DOCK11: variants seen among roughly 807,000 people sequenced by gnomAD.
The protein encoded by DOCK11 is dedicator of cytokinesis 11.
In DOCK11, 70 loss-of-function variants were observed where a neutral mutation model predicts 169.1. That is an observed-to-expected ratio of 0.41 (90% confidence interval 0.34 to 0.51). The LOEUF is 0.51. Among genes scored for constraint, DOCK11 ranks in the 20% least tolerant of loss-of-function variants. The pLI is 0.10. For missense variants in DOCK11, 1,166 were observed against 1,538.8 expected, an observed-to-expected ratio of 0.76 and a Z score of 4.05; for synonymous variants, 529 against 541.3, an observed-to-expected ratio of 0.98 and a Z score of 0.32.
At chrX:118,516,087 C>CTTTTTTTTTTTTTTTTTTTTTT (rs1300617761) in intron 1 of DOCK11, among the ~76,000 whole-genome samples, 1 of 63,732 alleles carries the variant, frequency 1.6e-5, no homozygotes, top group African/African-American at 7.1e-5. Context: ...CTTTTCTTTT[C>CTTTTTTTTTTTTTTTTTTTTTT]TTTTTCTTTT....
In DOCK11 at chrX:118,544,645, C is replaced by CTTTTTTTTTTTTTTTTTTTTTTTTTTTT. The variant is rs1157804079; in HGVS notation, c.393-673_393-646dup. 3.4e-4 allele frequency among the ~76,000 whole-genome samples: 8 copies of CTTTTTTTTTTTTTTTTTTTTTTTTTTTT among 23,365 alleles called. 2 individuals are homozygous for CTTTTTTTTTTTTTTTTTTTTTTTTTTTT. The highest frequency in any genetic ancestry group is 4.3e-4 in the Non-Finnish European group (6 of 13,902). 20.3% of individuals were successfully genotyped at this position (23,365 alleles called of 115,157 possible). ...TGCAAGAGCCAGAATTACACTGTTG[C>CTTTTTTTTTTTTTTTTTTTTTTTTTTTT]TTTTTTTTTTTTTTTTTTTTTTTTT... On this transcript the variant is annotated intron_variant, in intron 4 of 52. Coordinates refer to ENST00000276202, the MANE Select transcript of DOCK11 (RefSeq NM_144658.4).
At chrX:118,678,847 G>A (rs1239538717) in intron 48 of DOCK11, among the ~76,000 whole-genome samples, 2 of 108,454 alleles carry the variant, frequency 1.8e-5, no homozygotes, top group African/African-American at 3.4e-5. Flanking sequence ...CACAGCTCAC[G>A]GCAGCCTTGA....
chrX:118,626,618 T>C (rs2015112175), intron 32 of DOCK11, among the ~76,000 whole-genome samples: 1 of 111,286 alleles, frequency 9.0e-6, no homozygotes, highest in African/African-American at 3.3e-5. Flanking sequence ...CCCTATGAAA[T>C]GCTACAGCCA....
intron 1 of DOCK11, among the ~76,000 whole-genome samples, chrX:118,510,992 T>G (rs1369575426): frequency 8.9e-6 from 1 of 112,441 alleles, no homozygotes; most frequent in Non-Finnish European, 1.9e-5. Flanking sequence ...TGATAACATT[T>G]GCATCAGCCC....
intron 28 of DOCK11, among the ~76,000 whole-genome samples, chrX:118,614,450 C>T (rs1371810535): frequency 9.0e-6 from 1 of 111,227 alleles, no homozygotes; most frequent in Admixed American, 9.6e-5. Context: ...GTGTGTGTGG[C>T]TATATATACA....
chrX:118,509,893 C>G (rs2057638813), intron 1 of DOCK11, among the ~76,000 whole-genome samples: 1 of 111,801 alleles, frequency 8.9e-6, no homozygotes, highest in East Asian at 2.8e-4. Flanking sequence ...CCCTTCCTCC[C>G]TCCTCAAACC....
intron 34 of DOCK11, among the ~76,000 whole-genome samples, chrX:118,629,564 T>A (rs750533346): frequency 3.6e-5 from 4 of 112,114 alleles, no homozygotes; most frequent in Non-Finnish European, 7.5e-5. Context: ...TAGGAACACA[T>A]CAGTACTTTG....
chrX:118,505,563 C>T lies in DOCK11; in HGVS notation c.102+9490C>T, dbSNP rs141281706. Among the ~76,000 whole-genome samples, 1,093 of 112,084 alleles carry T rather than the reference C, an allele frequency of 9.8e-3. 11 individuals carry two copies. The highest frequency in any genetic ancestry group is 0.033 in the African/African-American group (1,033 of 30,839). ...CCAGATGATGCCCCAAAGGGGTGAGCCACATGGCTGATCCAAGAATCTTAC... is the reference window on the plus strand; with the variant it reads ...CCAGATGATGCCCCAAAGGGGTGAGTCACATGGCTGATCCAAGAATCTTAC... On this transcript the variant is annotated intron_variant, in intron 1 of 52. Coordinates refer to ENST00000276202, the MANE Select transcript of DOCK11 (RefSeq NM_144658.4).
At chrX:118,530,702 C>T (rs573850224) in intron 1 of DOCK11, among the ~76,000 whole-genome samples, 2 of 112,208 alleles carry the variant, frequency 1.8e-5, no homozygotes, top group South Asian at 7.4e-4. Flanking sequence ...TGAATCACTC[C>T]CTTCCCTGTG....
intron 16 of DOCK11, among the ~76,000 whole-genome samples, chrX:118,586,162 C>T (rs1045328396): frequency 2.7e-5 from 3 of 111,373 alleles, no homozygotes; most frequent in Admixed American, 9.6e-5. Context: ...TGACTACCAA[C>T]GAGGTGCTTT....
chrX:118,645,035 T>A (rs188679255), intron 40 of DOCK11, among the ~76,000 whole-genome samples: 99 of 111,952 alleles, frequency 8.8e-4, no homozygotes, highest in Non-Finnish European at 1.5e-3. Flanking sequence ...ATGAGACATG[T>A]TGAAAAAGGA....
chrX:118,503,754 A>G (rs1167799286), intron 1 of DOCK11, among the ~76,000 whole-genome samples: 1 of 111,790 alleles, frequency 8.9e-6, no homozygotes, highest in African/African-American at 3.3e-5. Context: ...GGAAAAGGCC[A>G]GGGCTGAGTG....
At chrX:118,577,864 C>T (rs1234066859) in intron 12 of DOCK11, among the ~76,000 whole-genome samples, 1 of 112,145 alleles carries the variant, frequency 8.9e-6, no homozygotes, top group African/African-American at 3.2e-5. Context: ...CTTTAAACAA[C>T]AGGCATAACC....
At chrX:118,593,120 G>A (rs1406805229) in intron 19 of DOCK11, 94 bp from the exon 20 acceptor site, 7 of 974,093 alleles carry the variant, frequency 7.2e-6, no homozygotes, top group Non-Finnish European at 9.8e-6. Flanking sequence ...CCTTTAGGAA[G>A]TATTTTTGGA....
chrX:118,543,142 C>A, intron 3 of DOCK11, 127 bp downstream of exon 3: 1 of 517,038 alleles, frequency 1.9e-6, no homozygotes, highest in Non-Finnish European at 3.0e-6. Flanking sequence ...AAGTAGTCTT[C>A]CTTTAATGTA....
chrX:118,580,433 C>A (rs979034213), intron 14 of DOCK11, among the ~76,000 whole-genome samples: 1 of 112,082 alleles, frequency 8.9e-6, no homozygotes, highest in Non-Finnish European at 1.9e-5. Context: ...TCTCCTGCCT[C>A]AGCCTCCCAA....
Position 118,685,814 on chromosome X carries a change from G to A in DOCK11, c.*7G>A, listed in dbSNP as rs2016846272. ...AAGATACGCTGAAGTGTGAGGAAAT[G>A]CAGATGTACGTGACAATGAGACTGA... On this transcript the variant is annotated 3_prime_UTR_variant, in exon 53 of 53. Transcript: ENST00000276202. The A allele has an allele frequency of 1.7e-6, 2 of 1,210,286 alleles. No individual in the cohort carries two copies. The highest frequency in any genetic ancestry group is 3.0e-5 in the East Asian group (1 of 33,820).
chrX:118,549,108 G>C (rs2012392398), intron 6 of DOCK11, among the ~76,000 whole-genome samples: 1 of 103,301 alleles, frequency 9.7e-6, no homozygotes, highest in Non-Finnish European at 1.9e-5. Flanking sequence ...CTCATATTCT[G>C]TGTGTGTGTG....
intron 11 of DOCK11, 75 bp from the exon 12 acceptor site, chrX:118,573,731 T>G: frequency 1.1e-5 from 9 of 846,496 alleles, no homozygotes; most frequent in Non-Finnish European, 1.3e-5. Context: ...ACAAAACTTA[T>G]TTTGCACTTG....
Sources: allele counts gnomAD v4.1 joint callset (sites outside exome capture counted in the v4.1 genomes callset), GRCh38; gene constraint gnomAD v4.1.1; transcripts MANE v1.5; gene names NCBI Gene and HGNC (gene_info 2026-07-23, HGNC 2026-07-21).